Variants in NLRP4 observed in about 807,000 individuals in gnomAD.
NLRP4 encodes NLR family pyrin domain containing 4, also known as NACHT, LRR and PYD domains-containing protein 4.
NLRP4 carries 44 observed loss-of-function variants against 84.7 expected under a neutral mutation model. That is an observed-to-expected ratio of 0.52 (90% CI 0.41 to 0.67). NLRP4 has a LOEUF of 0.67. NLRP4 is among the 30% of genes least tolerant of loss of function. The pLI, the probability that NLRP4 is intolerant of heterozygous loss-of-function variation, is 0.00. For missense variants in NLRP4, 1,260 were observed against 1,219.4 expected (o/e 1.03, Z -0.50); for synonymous variants, 544 against 476.4 (o/e 1.14, Z -1.85).
At chr19:55,847,021 TTCAA>T (rs1983824323) in intron 1 of NLRP4, among the ~76,000 whole-genome samples, 1 of 152,096 alleles carries the variant, frequency 6.6e-6, no homozygotes, top group Non-Finnish European at 1.5e-5. Context: ...ACCTCCCAGG[TTCAA>T]GAGATTCTCA....
intron 1 of NLRP4, among the ~76,000 whole-genome samples, chr19:55,845,560 T>A (rs1380482260): frequency 6.6e-6 from 1 of 152,052 alleles, no homozygotes; most frequent in Non-Finnish European, 1.5e-5. Flanking sequence ...GATGGCTGGG[T>A]CAAATGGTAT....
intron 2 of NLRP4, among the ~76,000 whole-genome samples, chr19:55,856,668 A>G (rs901792422): frequency 1.3e-5 from 2 of 151,568 alleles, no homozygotes; most frequent in African/African-American, 2.4e-5. Context: ...GGCACACACC[A>G]CCACGCCCGG....
chr19:55,859,377 C>G (rs925265705), intron 3 of NLRP4, 128 bp downstream of exon 3: 7 of 732,886 alleles, frequency 9.6e-6, no homozygotes. Context: ...AAAACCTCAG[C>G]TCACATCCTG....
chr19:55,848,813 G>C (rs144530281), intron 1 of NLRP4, among the ~76,000 whole-genome samples: 2,292 of 152,260 alleles, frequency 0.015, 30 homozygotes, highest in Non-Finnish European at 0.022. Flanking sequence ...CCCACATGTG[G>C]TGGGAGGGAC....
intron 1 of NLRP4, among the ~76,000 whole-genome samples, chr19:55,845,043 T>C (rs1480898189): frequency 1.3e-5 from 2 of 152,120 alleles, no homozygotes; most frequent in Non-Finnish European, 2.9e-5. Flanking sequence ...TTAATTATTA[T>C]ACTTTAAGTT....
At chr19:55,876,718 T>C (rs1985386374) in intron 7 of NLRP4, among the ~76,000 whole-genome samples, 1 of 152,202 alleles carries the variant, frequency 6.6e-6, no homozygotes, top group Admixed American at 6.5e-5. Context: ...GTAAATCATC[T>C]CTAAGTTACT....
chr19:55,861,248 G>A (rs1365064239), intron 3 of NLRP4, 138 bp from the exon 4 acceptor site: 1 of 679,996 alleles, frequency 1.5e-6, no homozygotes, highest in Non-Finnish European at 2.5e-6. Flanking sequence ...CTTACCTGAA[G>A]GGTCCCGTTC....
At chr19:55,850,187 T>G (rs79629111) in intron 1 of NLRP4, among the ~76,000 whole-genome samples, 10 of 140,612 alleles carry the variant, frequency 7.1e-5, no homozygotes, top group Admixed American at 2.8e-4. Context: ...GCGGTGTAAT[T>G]TCCGTGGCTG....
chr19:55,881,564 A>G lies in NLRP4; in HGVS notation c.2962A>G (p.Thr988Ala), dbSNP rs1305711629. The change falls in exon 10 of 10, where the codon ACA (threonine) becomes GCA (alanine). Residue 988 changes from threonine (T) to alanine (A), a missense_variant. Thr to Ala is a moderately conservative substitution (Grantham distance 58). Around this residue, in one of 3 missense-constraint regions of NLRP4, gnomAD observed 544 missense variants for 531.7 expected, o/e 1.02. Coordinates refer to ENST00000301295, the MANE Select transcript of NLRP4 (RefSeq NM_134444.5). ...PNLTITDDCD[T>A]ITRVEI ...CCTGACCATCACAGACGACTGTGACACAATCACAAGGGTAGAGATCTGATT... is the reference window on the plus strand; with the variant it reads ...CCTGACCATCACAGACGACTGTGACGCAATCACAAGGGTAGAGATCTGATT... The G allele has an allele frequency of 1.9e-6, 3 of 1,582,328 alleles. No homozygotes were observed. The highest frequency in any genetic ancestry group is 8.7e-7 in the Non-Finnish European group (1 of 1,151,140).
In NLRP4 at chr19:55,858,180, A is replaced by G. The variant is rs1984533729; in HGVS notation, c.787A>G (p.Ser263Gly). 5.0e-6 allele frequency: 8 copies of G among 1,614,022 alleles called. No homozygotes were observed. The highest frequency in any genetic ancestry group is 2.7e-5 in the African/African-American group (2 of 74,914). ...ACGGCCGGTGCAGGTGCTTCTGAGC[A>G]GTTTGCTGAGGAAGAAGATGCTCCC... ...EKRPVQVLLS[S>G]LLRKKMLPEA... is the part of the protein sequence containing the mutation. Residue 263 changes from serine (S) to glycine (G), a missense_variant, in exon 3 of 10, where the codon AGT becomes GGT. By Grantham distance (56) the Ser-to-Gly change is moderately conservative. Around this residue, in one of 3 missense-constraint regions of NLRP4, gnomAD observed 712 missense variants for 669.2 expected, o/e 1.06. Transcript: ENST00000301295. This position sits in a 1 kb window ranked among gnomAD's most constrained non-coding sequence, Gnocchi z 4.2.
intron 7 of NLRP4, among the ~76,000 whole-genome samples, chr19:55,874,914 A>G (rs1370120937): frequency 6.6e-6 from 1 of 152,208 alleles, no homozygotes; most frequent in African/African-American, 2.4e-5. Flanking sequence ...AAAAGAATAA[A>G]CATAATGACT....
At chr19:55,871,145 G>A (rs935829783) in intron 7 of NLRP4, 148 bp downstream of exon 7, 6 of 660,226 alleles carry the variant, frequency 9.1e-6, no homozygotes, top group Middle Eastern at 4.3e-4. Flanking sequence ...GATTCTTGTC[G>A]AGACGTTCAT....
At chr19:55,880,142 A>G (rs1405733775) in intron 9 of NLRP4, among the ~76,000 whole-genome samples, 1 of 150,888 alleles carries the variant, frequency 6.6e-6, no homozygotes, top group East Asian at 2.0e-4. Context: ...TAAAACTGTT[A>G]TAACTCTAAC....
chr19:55,873,544 C>T (rs984017127), intron 7 of NLRP4, among the ~76,000 whole-genome samples: 9 of 151,970 alleles, frequency 5.9e-5, no homozygotes, highest in South Asian at 2.1e-4. Context: ...CTTATTAAAA[C>T]GTGAGGTTGT....
intron 3 of NLRP4, among the ~76,000 whole-genome samples, chr19:55,859,853 G>GGAGGCA (rs1486803701): frequency 2.8e-5 from 4 of 143,976 alleles, no homozygotes; most frequent in African/African-American, 7.7e-5. Context: ...CTTGAGCCCG[G>GGAGGCA]GAGGCAGAGG....
At chr19:55,859,340 T>C in intron 3 of NLRP4, 91 bp downstream of exon 3, 1 of 1,045,538 alleles carries the variant, frequency 9.6e-7, no homozygotes, top group Non-Finnish European at 1.4e-6. Context: ...TATAGGATCA[T>C]GGTTAGAAAC....
chr19:55,857,692 A>G lies in NLRP4; in HGVS notation c.299A>G (p.Gln100Arg). The G allele has an allele frequency of 1.2e-6, 2 of 1,613,384 alleles. No homozygotes were observed. Among genetic ancestry groups the G allele is most frequent in the Non-Finnish European group, 1.7e-6 (2 of 1,179,920 alleles). ...RERTGYTKTY[Q>R]AHAKQKFSRL... The stretch of plus-strand genomic sequence containing the variant: ...GACTCAGGATACACAAAGACCTATC[A>G]AGCTCACGCAAAGCAGAAATTCAGC... Residue 100 changes from glutamine (Q) to arginine (R), a missense_variant, in exon 3 of 10, where the codon CAA becomes CGA. This residue lies in a region of NLRP4 where 712 missense variants were observed against 669.2 expected (regional missense o/e 1.06). Transcript: ENST00000301295.
chr19:55,845,951 A>G (rs1428975365), intron 1 of NLRP4, among the ~76,000 whole-genome samples: 1 of 151,392 alleles, frequency 6.6e-6, no homozygotes, highest in Non-Finnish European at 1.5e-5. Context: ...AGGTTGCGAA[A>G]ATTTTCTCCC....
chr19:55,855,031 C>G (rs1267020839), intron 2 of NLRP4, among the ~76,000 whole-genome samples: 1 of 152,130 alleles, frequency 6.6e-6, no homozygotes, highest in African/African-American at 2.4e-5. Flanking sequence ...GCCACCCAGT[C>G]CAAATTTTTA....
Sources: allele counts gnomAD v4.1 joint callset (sites outside exome capture counted in the v4.1 genomes callset), GRCh38; gene constraint gnomAD v4.1.1; regional missense constraint gnomAD v4.1.1; non-coding constraint Gnocchi (gnomAD v3.1); transcripts MANE v1.5; gene names NCBI Gene and HGNC (gene_info 2026-07-23, HGNC 2026-07-21).